The following GALNT9 variants were observed in gnomAD, a reference collection of about 807,000 sequenced individuals.
The protein encoded by GALNT9 is GalNAc transferase 9.
GALNT9 carries 47 observed loss-of-function variants against 63.1 expected under a neutral mutation model. The observed-to-expected ratio is 0.75, with a 90% CI of 0.59 to 0.95. The LOEUF is 0.95. Ranked by LOEUF, GALNT9 falls within the 40% of genes least tolerant of loss-of-function variation. The pLI is 0.00. For synonymous variants in GALNT9, 396 were observed against 365.7 expected, an observed-to-expected ratio of 1.08 and a Z score of -0.94; for missense variants, 829 against 874.8, an observed-to-expected ratio of 0.95 and a Z score of 0.66.
At chr12:132,249,305 C>T (rs549151233) in intron 5 of GALNT9, among the ~76,000 whole-genome samples, 2 of 152,340 alleles carry the variant, frequency 1.3e-5, no homozygotes, top group African/African-American at 4.8e-5. Context: ...CCCTGATCCT[C>T]CTCTGCGTAT....
At chr12:132,264,579 A>G (rs1879529116) in intron 2 of GALNT9, among the ~76,000 whole-genome samples, 1 of 152,216 alleles carries the variant, frequency 6.6e-6, no homozygotes, top group Non-Finnish European at 1.5e-5. Flanking sequence ...GCGTGGCCGG[A>G]GGCTGTGTCC....
intron 6 of GALNT9, among the ~76,000 whole-genome samples, chr12:132,206,791 G>A (rs990836940): frequency 5.9e-5 from 9 of 152,234 alleles, no homozygotes; most frequent in African/African-American, 2.2e-4. Context: ...CAAATGTGGA[G>A]ATGGCGGCTG....
chr12:132,196,914 GAGA>G lies in GALNT9; in HGVS notation c.*190_*192del. 1.4e-6 allele frequency: 2 copies of G among 1,421,722 alleles called. No individual in the cohort carries two copies. Among genetic ancestry groups the G allele is most frequent in the African/African-American group, 2.9e-5 (2 of 69,228 alleles). The allele number at this position is 1,421,722 out of a possible 1,614,324, so 88.1% of individuals were successfully genotyped here. The stretch of plus-strand genomic sequence containing the variant: ...CCTCGGGTAGAGCCGCCTGTCCTAG[GAGA>G]AGCTGTACTCCAGATGCAGTGGGTG... On this transcript the variant is annotated 3_prime_UTR_variant, in exon 11 of 11. Transcript: ENST00000328957.
rs1447532613 is a variant in GALNT9, at chr12:132,246,137, C to A, written c.1077+1773G>T. 2.0e-5 allele frequency among the ~76,000 whole-genome samples: 3 copies of A among 152,272 alleles called. No homozygotes were observed. Among genetic ancestry groups the A allele is most frequent in the Non-Finnish European group, 4.4e-5 (3 of 68,048 alleles). Reference sequence around the variant, plus strand: ...CGACACCCGCGTGGGTGCGTTCAATCCACGGCCGACCCGCCAAGGTCTGGT... The same window carrying A: ...CGACACCCGCGTGGGTGCGTTCAATACACGGCCGACCCGCCAAGGTCTGGT... On this transcript the variant is annotated intron_variant, in intron 6 of 10. Coordinates refer to ENST00000328957, the MANE Select transcript of GALNT9 (RefSeq NM_001122636.2). The surrounding 1 kb of genome is among the most constrained non-coding windows in gnomAD (Gnocchi z 4.7).
chr12:132,276,019 G>T (rs558343229), intron 2 of GALNT9, among the ~76,000 whole-genome samples: 1 of 152,216 alleles, frequency 6.6e-6, no homozygotes, highest in African/African-American at 2.4e-5. Flanking sequence ...GCTCTGCCCC[G>T]CAGGTCCCAG....
chr12:132,208,139 C>A (rs192781944), intron 6 of GALNT9, among the ~76,000 whole-genome samples: 61 of 152,326 alleles, frequency 4.0e-4, no homozygotes, highest in African/African-American at 1.3e-3. Context: ...AACAGTTTAA[C>A]CCCTCTATAA....
At chr12:132,207,146 C>T (rs532841032) in intron 6 of GALNT9, among the ~76,000 whole-genome samples, 224 of 152,302 alleles carry the variant, frequency 1.5e-3, no homozygotes, top group African/African-American at 5.0e-3. Context: ...TGTTTAGAGC[C>T]GCCGTCCTTG....
chr12:132,227,110 C>T (rs1645719881), intron 6 of GALNT9, among the ~76,000 whole-genome samples: 2 of 152,056 alleles, frequency 1.3e-5, no homozygotes, highest in Admixed American at 6.5e-5. Flanking sequence ...TACATAAATC[C>T]ATGAAAATAT....
In GALNT9 at chr12:132,257,713, C is replaced by A. The variant is rs1330726359; in HGVS notation, c.935G>T (p.Arg312Leu). ...YIIPPQDWLD[R>L]GDESAPIRTP... ...CCTGATGGGTGCTGACTCGTCGCCGCGGTCCAGCCAGTCCTGCGGGGGGAT... is the reference window on the plus strand; with the variant it reads ...CCTGATGGGTGCTGACTCGTCGCCGAGGTCCAGCCAGTCCTGCGGGGGGAT... The change falls in exon 5 of 11, where the codon CGC becomes CTC. Residue 312 changes from arginine (R) to leucine (L), a missense_variant. By Grantham distance (102) the Arg-to-Leu change is moderately radical. Coordinates refer to ENST00000328957, the MANE Select transcript of GALNT9 (RefSeq NM_001122636.2). 4 of 1,549,896 alleles carry A rather than the reference C, an allele frequency of 2.6e-6. No homozygotes were observed. The African/African-American group carries it at 4.1e-5, about 16-fold the overall frequency.
In GALNT9 at chr12:132,197,783, G is replaced by A; in HGVS notation, c.1665+9C>T. 1.9e-6 allele frequency: 2 copies of A among 1,030,152 alleles called. No homozygotes were observed. The highest frequency in any genetic ancestry group is 2.8e-6 in the Non-Finnish European group (2 of 724,200). The allele number at this position is 1,030,152 out of a possible 1,614,324, so 63.8% of individuals were successfully genotyped here. ...CCAACCCCACGGCCCCCCTTCCCCA[G>A]AGGCTGACCTGGGTGAAGTCCCACA... On this transcript the variant is annotated intron_variant, in intron 10 of 10. Coordinates refer to ENST00000328957, the MANE Select transcript of GALNT9 (RefSeq NM_001122636.2).
At chr12:132,219,341 C>G (rs563021496) in intron 6 of GALNT9, among the ~76,000 whole-genome samples, 81 of 152,294 alleles carry the variant, frequency 5.3e-4, no homozygotes, top group African/African-American at 1.7e-3. Context: ...AACGATAGAT[C>G]AGTTGTTTTA....
intron 6 of GALNT9, among the ~76,000 whole-genome samples, chr12:132,231,059 T>TC (rs1241002882): frequency 9.7e-5 from 4 of 41,376 alleles, no homozygotes; most frequent in Non-Finnish European, 1.0e-4. Context: ...CAGCGTGGAG[T>TC]CCCTAGTGCC....
intron 7 of GALNT9, among the ~76,000 whole-genome samples, chr12:132,201,900 G>C (rs928385080): frequency 2.1e-5 from 3 of 143,590 alleles, no homozygotes; most frequent in African/African-American, 7.6e-5. Flanking sequence ...GGACTGTGGG[G>C]CCTGAGAGGC....
intron 6 of GALNT9, among the ~76,000 whole-genome samples, chr12:132,239,883 C>T (rs117386236): frequency 0.057 from 8,728 of 152,036 alleles, 343 homozygotes; most frequent in Admixed American, 0.1. Flanking sequence ...GAGAGACAGA[C>T]CACAGAGAGA....
chr12:132,207,591 C>A (rs1391755833), intron 6 of GALNT9, among the ~76,000 whole-genome samples: 1 of 152,204 alleles, frequency 6.6e-6, no homozygotes, highest in Non-Finnish European at 1.5e-5. Context: ...TCGGGTCCCC[C>A]ACCGTGTCTC....
chr12:132,284,728 C>G (rs534702852), intron 2 of GALNT9: 2 of 152,312 alleles, frequency 1.3e-5, no homozygotes, highest in Non-Finnish European at 2.9e-5. Flanking sequence ...ACGCCTCACT[C>G]GCACTGCCGT....
intron 2 of GALNT9, among the ~76,000 whole-genome samples, chr12:132,271,734 G>A (rs1302949087): frequency 2.6e-5 from 4 of 152,306 alleles, no homozygotes; most frequent in East Asian, 1.9e-4. Context: ...AGGCTTGGCC[G>A]AGGTCCCAAG....
intron 2 of GALNT9, among the ~76,000 whole-genome samples, chr12:132,268,934 C>T (rs58171513): frequency 0.018 from 2,677 of 152,136 alleles, 79 homozygotes; most frequent in African/African-American, 0.061. Context: ...CGGGTGGGGA[C>T]GGGAGGTGGC....
chr12:132,291,454 C>A (rs1880837916), intron 1 of GALNT9, among the ~76,000 whole-genome samples: 1 of 146,030 alleles, frequency 6.8e-6, no homozygotes, highest in African/African-American at 2.6e-5. Flanking sequence ...GTCCACATCA[C>A]CCACATCCAC....
Sources: gnomAD v4.1 joint callset for allele counts (sites outside exome capture counted in the v4.1 genomes callset) on GRCh38, gnomAD v4.1.1 for gene constraint, Gnocchi (gnomAD v3.1) non-coding constraint, MANE v1.5 for transcripts, NCBI Gene and HGNC (gene_info 2026-07-23, HGNC 2026-07-21) for gene names.